The following KLHL29 variants were observed in gnomAD, a reference collection of about 807,000 sequenced individuals.
KLHL29 encodes kelch like family member 29.
In KLHL29, 21 loss-of-function variants were observed where a neutral mutation model predicts 80.4. That is an observed-to-expected ratio of 0.26 (90% CI 0.19 to 0.38). The LOEUF is 0.38. KLHL29 is among the 10% of genes least tolerant of loss of function. KLHL29 has a pLI of 1.00. For synonymous variants in KLHL29, 511 were observed against 526.8 expected, an observed-to-expected ratio of 0.97 and a Z score of 0.41; for missense variants, 867 against 1,223.9, an observed-to-expected ratio of 0.71 and a Z score of 4.35.
chr2:23,486,647 C>T (rs1031639984), intron 2 of KLHL29, among the ~76,000 whole-genome samples: 4 of 152,236 alleles, frequency 2.6e-5, no homozygotes, highest in African/African-American at 9.6e-5. Flanking sequence ...ATTCATAACC[C>T]GAGAGATGGG....
At chr2:23,529,042 A>T (rs1864810) in intron 2 of KLHL29, among the ~76,000 whole-genome samples, 101,356 of 152,162 alleles carry the variant, frequency 0.67, 34,143 homozygotes, top group African/African-American at 0.76. Flanking sequence ...CTCTTTGGGG[A>T]TGATGCTGAG....
intron 1 of KLHL29, among the ~76,000 whole-genome samples, chr2:23,465,804 G>A (rs1047496736): frequency 6.6e-5 from 10 of 152,096 alleles, no homozygotes; most frequent in South Asian, 2.1e-4. Flanking sequence ...CTGTGAAGTC[G>A]TCCTACTCCC....
chr2:23,515,406 C>T (rs997222141), intron 2 of KLHL29, among the ~76,000 whole-genome samples: 5 of 152,206 alleles, frequency 3.3e-5, no homozygotes, highest in Admixed American at 3.3e-4. Context: ...CCCAGAATAT[C>T]CCTACCCCTT....
Position 23,681,937 on chromosome 2 carries a change from C to T in KLHL29, c.941-2462C>T, listed in dbSNP as rs987781964. On this transcript the variant is annotated intron_variant, in intron 5 of 13. Transcript: ENST00000486442. The surrounding 1 kb of genome is among the most constrained non-coding windows in gnomAD (Gnocchi z 4.2). ...CTGTCTCCCCTCCGCCTGGGCTGTGCGCAGGCGCCGCTGGGCTCTCTACCT... is the reference window on the plus strand; with the variant it reads ...CTGTCTCCCCTCCGCCTGGGCTGTGTGCAGGCGCCGCTGGGCTCTCTACCT... 6.8e-4 allele frequency among the ~76,000 whole-genome samples: 103 copies of T among 152,228 alleles called. No homozygotes were observed. The highest frequency in any genetic ancestry group is 2.3e-3 in the African/African-American group (97 of 41,524).
chr2:23,411,894 G>A (rs535382436), intron 1 of KLHL29, among the ~76,000 whole-genome samples: 14 of 152,212 alleles, frequency 9.2e-5, no homozygotes, highest in African/African-American at 2.9e-4. Context: ...CAGAATTTTC[G>A]TCATGGATGT....
intron 6 of KLHL29, among the ~76,000 whole-genome samples, chr2:23,686,704 C>T (rs770400712): frequency 1.5e-4 from 23 of 152,078 alleles, no homozygotes; most frequent in Admixed American, 3.9e-4. Flanking sequence ...AGCAGCCTGA[C>T]GGACGCCCAG....
chr2:23,413,542 C>T (rs1308109149), intron 1 of KLHL29, among the ~76,000 whole-genome samples: 2 of 152,160 alleles, frequency 1.3e-5, no homozygotes, highest in African/African-American at 2.4e-5. Flanking sequence ...TAAGACCCAC[C>T]TCCTTTTCTT....
At chr2:23,437,242 G>C (rs978664988) in intron 1 of KLHL29, among the ~76,000 whole-genome samples, 6 of 152,230 alleles carry the variant, frequency 3.9e-5, no homozygotes, top group Admixed American at 2.0e-4. Context: ...GGGAGCAGCA[G>C]TTTATCTCAC....
At chr2:23,593,882 G>A (rs1668329752) in intron 3 of KLHL29, among the ~76,000 whole-genome samples, 1 of 152,192 alleles carries the variant, frequency 6.6e-6, no homozygotes, top group South Asian at 2.1e-4. Flanking sequence ...CTACGTGCTT[G>A]TTGTCCACAA....
At chr2:23,527,393 G>C (rs1653778) in intron 2 of KLHL29, among the ~76,000 whole-genome samples, 21,529 of 152,242 alleles carry the variant, frequency 0.14, 2,982 homozygotes, top group African/African-American at 0.36. Context: ...CCTCGTGGGT[G>C]TTGCCCAGCA....
Position 23,450,612 on chromosome 2 carries a change from G to A in KLHL29, c.-153-24948G>A, listed in dbSNP as rs536833319. 1.1e-4 allele frequency among the ~76,000 whole-genome samples: 17 copies of A among 152,174 alleles called. No homozygotes were observed. In the South Asian group the frequency reaches 2.5e-3, roughly 22 times the overall value. On this transcript the variant is annotated intron_variant, in intron 1 of 13. Coordinates refer to ENST00000486442, the MANE Select transcript of KLHL29 (RefSeq NM_052920.2). ...TTCCTCCCGTTTTTCTTTTGGATCC[G>A]TTTCCCTTTGAAGTGAAGTTGCACT...
At chr2:23,526,032 G>C (rs1386999530) in intron 2 of KLHL29, among the ~76,000 whole-genome samples, 2 of 152,218 alleles carry the variant, frequency 1.3e-5, no homozygotes, top group Non-Finnish European at 2.9e-5. Context: ...TGGATGTTGG[G>C]CCCTAATGTT....
intron 5 of KLHL29, among the ~76,000 whole-genome samples, chr2:23,678,436 C>A (rs1420482428): frequency 6.6e-6 from 1 of 152,202 alleles, no homozygotes; most frequent in Non-Finnish European, 1.5e-5. Flanking sequence ...CCTGGCACCA[C>A]TATCATAGGA....
At chr2:23,540,884 C>A (rs1354363554) in intron 2 of KLHL29, among the ~76,000 whole-genome samples, 3 of 152,186 alleles carry the variant, frequency 2.0e-5, no homozygotes, top group Admixed American at 6.5e-5. Flanking sequence ...GGAAGAGAGA[C>A]CTTTGTTTTT....
chr2:23,581,465 C>T lies in KLHL29; in HGVS notation c.285+18984C>T, dbSNP rs143202049. Among the ~76,000 whole-genome samples, 239 of 152,308 alleles carry T rather than the reference C, an allele frequency of 1.6e-3. 1 individual carries two copies. The highest frequency in any genetic ancestry group is 3.0e-3 in the Admixed American group (46 of 15,308). ...GATGGAGTGTGCGCTGAGTCCCAGG[C>T]GGTGACTCCTGATCCGCCTTCCACT... On this transcript the variant is annotated intron_variant, in intron 3 of 13. Transcript: ENST00000486442.
At chr2:23,575,841 C>T (rs371327039) in intron 3 of KLHL29, among the ~76,000 whole-genome samples, 1 of 152,152 alleles carries the variant, frequency 6.6e-6, no homozygotes, top group Non-Finnish European at 1.5e-5. Flanking sequence ...CTCCACCCGG[C>T]GCAGGAACCT....
intron 1 of KLHL29, among the ~76,000 whole-genome samples, chr2:23,424,799 C>T (rs917605491): frequency 6.6e-6 from 1 of 152,234 alleles, no homozygotes; most frequent in Non-Finnish European, 1.5e-5. Context: ...CTCCGAATCT[C>T]GCTTTATCTC....
intron 1 of KLHL29, among the ~76,000 whole-genome samples, chr2:23,439,972 T>G (rs1244787688): frequency 6.6e-6 from 1 of 151,330 alleles, no homozygotes; most frequent in African/African-American, 2.4e-5. Context: ...CACTCAGGAC[T>G]TGCTTTATGA....
At chr2:23,508,410 G>A (rs1162328065) in intron 2 of KLHL29, among the ~76,000 whole-genome samples, 1 of 152,190 alleles carries the variant, frequency 6.6e-6, no homozygotes, top group Non-Finnish European at 1.5e-5. Context: ...GACCTCTACC[G>A]GGCTTTCTGC....
Sources: gnomAD v4.1 joint callset for allele counts (sites outside exome capture counted in the v4.1 genomes callset) on GRCh38, gnomAD v4.1.1 for gene constraint, Gnocchi (gnomAD v3.1) non-coding constraint, MANE v1.5 for transcripts, NCBI Gene and HGNC (gene_info 2026-07-23, HGNC 2026-07-21) for gene names.